Variants in ANKRD50 observed in about 807,000 individuals in gnomAD.
The protein encoded by ANKRD50 is ankyrin repeat domain 50, also known as ankyrin repeat domain-containing protein 50.
A neutral mutation model predicts 112.0 loss-of-function variants in ANKRD50; 40 were observed. That is an observed-to-expected ratio of 0.36 (90% CI 0.28 to 0.46). The LOEUF is 0.46. ANKRD50 is among the 20% of genes least tolerant of loss of function. ANKRD50 has a pLI of 1.00. For synonymous variants in ANKRD50, 613 were observed against 619.1 expected (o/e 0.99, Z 0.15); for missense variants, 1,487 against 1,701.7 (o/e 0.87, Z 2.22).
rs1414496882 is a variant in ANKRD50, at chr4:124,672,449, T to C, written c.828A>G (p.Gln276=). ...VQQYILHRLD[Q]EEALRQHLTK... ...TGAGGTGTTGTCGCAAAGCTTCTTC[T>C]TGATCTAAACGATGAAGAATGTACT... The change falls in exon 4 of 5, where the codon CAA becomes CAG. Residue 276 remains glutamine (Q), a synonymous_variant. Transcript: ENST00000504087. 6.2e-7 allele frequency: 1 copy of C among 1,612,720 alleles called. No homozygotes were observed. The highest frequency in any genetic ancestry group is 8.5e-7 in the Non-Finnish European group (1 of 1,179,410).
chr4:124,676,698 A>G (rs1009984313), intron 3 of ANKRD50, among the ~76,000 whole-genome samples: 2 of 151,760 alleles, frequency 1.3e-5, no homozygotes, highest in African/African-American at 2.4e-5. Flanking sequence ...AATACAGAAT[A>G]GTAAAGGACA....
rs143729168 is a variant in ANKRD50 at position 124,681,222 on chromosome 4, T to C, written c.513-2317A>G. 2.9e-3 allele frequency among the ~76,000 whole-genome samples: 445 copies of C among 152,284 alleles called. 1 individual carries two copies. Among genetic ancestry groups the C allele is most frequent in the African/African-American group, 0.01 (421 of 41,554 alleles). On this transcript the variant is annotated intron_variant, in intron 2 of 4. Transcript: ENST00000504087. The stretch of plus-strand genomic sequence containing the variant: ...GCCAACTTTAATTCAGTGCTCTATA[T>C]GCTTTAAGTACTTCACACATCCATT...
chr4:124,684,140 G>A (rs985338779), intron 2 of ANKRD50, among the ~76,000 whole-genome samples: 6 of 151,834 alleles, frequency 4.0e-5, no homozygotes, highest in Non-Finnish European at 7.4e-5. Context: ...CCTTTTGTTC[G>A]ATGAAAACAT....
At chr4:124,697,577 T>A (rs1424642350) in intron 2 of ANKRD50, among the ~76,000 whole-genome samples, 1 of 152,172 alleles carries the variant, frequency 6.6e-6, no homozygotes, top group Non-Finnish European at 1.5e-5. Context: ...CCCCTTCCAC[T>A]TCTCTGCCAT....
At chr4:124,683,396 G>A (rs1056562867) in intron 2 of ANKRD50, among the ~76,000 whole-genome samples, 6 of 151,750 alleles carry the variant, frequency 4.0e-5, no homozygotes, top group African/African-American at 1.5e-4. Context: ...TCAAATCAGG[G>A]TAATCGTGGT....
rs1730499329 is a variant in ANKRD50 at position 124,666,666 on chromosome 4, ATG to A, written c.*850_*851del. ...CAGGTGCATTTCTCTCTGCACACAC[ATG>A]TGACTGAGGCATGGCTTTGTCCCTG... On this transcript the variant is annotated 3_prime_UTR_variant, in exon 5 of 5. Transcript: ENST00000504087. The A allele has an allele frequency of 6.6e-6, 1 of 152,388 alleles. No homozygotes were observed. 9.4% of individuals were successfully genotyped at this position (152,388 alleles called of 1,614,324 possible).
chr4:124,711,314 CAT>C (rs1444442632), intron 1 of ANKRD50, 40 bp from the exon 2 acceptor site: 2 of 152,222 alleles, frequency 1.3e-5, no homozygotes, highest in Non-Finnish European at 2.9e-5. Context: ...TGCAAAATAT[CAT>C]ATGTTAAAAA....
intron 2 of ANKRD50, among the ~76,000 whole-genome samples, chr4:124,706,379 T>G (rs1725503884): frequency 6.6e-6 from 1 of 152,108 alleles, no homozygotes; most frequent in African/African-American, 2.4e-5. Context: ...GTGGCAATGT[T>G]TCACTAGATT....
chr4:124,708,143 C>A (rs532138978), intron 2 of ANKRD50, among the ~76,000 whole-genome samples: 2 of 152,232 alleles, frequency 1.3e-5, no homozygotes, highest in South Asian at 4.1e-4. Flanking sequence ...TGCTCTGCCA[C>A]TAGTATCTTC....
chr4:124,707,622 G>C (rs376690543), intron 2 of ANKRD50, among the ~76,000 whole-genome samples: 4 of 152,178 alleles, frequency 2.6e-5, no homozygotes, highest in South Asian at 2.1e-4. Context: ...TCAGGTTTTT[G>C]AAAAGTCCAG....
At chr4:124,703,078 TGAA>T (rs1725426462) in intron 2 of ANKRD50, among the ~76,000 whole-genome samples, 1 of 151,922 alleles carries the variant, frequency 6.6e-6, no homozygotes, top group South Asian at 2.1e-4. Context: ...ATAAAATAAT[TGAA>T]GGCATATGTG....
At chr4:124,683,756 CAA>C (rs33990913) in intron 2 of ANKRD50, among the ~76,000 whole-genome samples, 1,586 of 86,600 alleles carry the variant, frequency 0.018, 31 homozygotes, top group African/African-American at 0.061. Flanking sequence ...GACTCCGTCT[CAA>C]AAAAAAAAAA....
At chr4:124,676,683 C>T (rs547817944) in intron 3 of ANKRD50, among the ~76,000 whole-genome samples, 2 of 151,388 alleles carry the variant, frequency 1.3e-5, no homozygotes, top group African/African-American at 4.8e-5. Flanking sequence ...AAAGGTAAAA[C>T]TAAGAATACA....
intron 2 of ANKRD50, among the ~76,000 whole-genome samples, chr4:124,703,910 A>G (rs943626979): frequency 6.6e-6 from 1 of 152,196 alleles, no homozygotes; most frequent in African/African-American, 2.4e-5. Flanking sequence ...AAGTGATTAG[A>G]GGTTGAGGAC....
intron 2 of ANKRD50, among the ~76,000 whole-genome samples, chr4:124,679,814 C>T (rs1165239850): frequency 6.6e-6 from 1 of 152,168 alleles, no homozygotes; most frequent in Non-Finnish European, 1.5e-5. Flanking sequence ...GTAACATCAT[C>T]ACTGTAGGCC....
At chr4:124,690,889 A>G (rs762873048) in intron 2 of ANKRD50, among the ~76,000 whole-genome samples, 4 of 152,226 alleles carry the variant, frequency 2.6e-5, no homozygotes, top group Non-Finnish European at 2.9e-5. Flanking sequence ...TACCCCAAAC[A>G]AATTTGTGAG....
At position 124,670,602 on chromosome 4, in the gene ANKRD50, T is replaced by C. The variant is rs375989158; in HGVS notation, c.2675A>G (p.His892Arg). The C allele has an allele frequency of 2.5e-6, 4 of 1,613,540 alleles. No homozygotes were observed. Among genetic ancestry groups the C allele is most frequent in the East Asian group, 4.5e-5 (2 of 44,866 alleles). ...IPFILASQEGHYDCVQILLEN... is the reference protein window; with the variant it reads ...IPFILASQEGRYDCVQILLEN... ...CAGTAATATTTGAACACAATCATAA[T>C]GACCCTCTTGTGAAGCTAATATGAA... Residue 892 changes from histidine to arginine, a missense_variant, in exon 4 of 5, where the codon CAT (histidine) becomes CGT (arginine). Coordinates refer to ENST00000504087, the MANE Select transcript of ANKRD50 (RefSeq NM_020337.3).
intron 2 of ANKRD50, among the ~76,000 whole-genome samples, chr4:124,688,101 G>C (rs1270246933): frequency 2.6e-5 from 4 of 152,146 alleles, no homozygotes; most frequent in African/African-American, 9.7e-5. Flanking sequence ...ACAGTGTACA[G>C]GATCTTCTAC....
chr4:124,673,643 T>C (rs1308531409), intron 3 of ANKRD50, among the ~76,000 whole-genome samples: 1 of 152,028 alleles, frequency 6.6e-6, no homozygotes, highest in Non-Finnish European at 1.5e-5. Context: ...GAGTCAAAGC[T>C]GACACTAACT....
Sources: allele counts gnomAD v4.1 joint callset (sites outside exome capture counted in the v4.1 genomes callset), GRCh38; gene constraint gnomAD v4.1.1; transcripts MANE v1.5; gene names NCBI Gene and HGNC (gene_info 2026-07-23, HGNC 2026-07-21).